The following ZNF469 variants were observed in gnomAD, a reference collection of about 807,000 sequenced individuals.
ZNF469 encodes the protein zinc finger protein 469.
A neutral mutation model predicts 1.0 loss-of-function variants in ZNF469; 1 was observed. The ratio of observed to expected loss-of-function variants is 1.00; its 90% CI spans 0.35 to 4.73. The LOEUF (loss-of-function observed/expected upper bound fraction) is 4.73. Among genes scored for constraint, ZNF469 ranks in the 30% most tolerant of loss-of-function variants. ZNF469 has a pLI of 0.16. For synonymous variants in ZNF469, 2,703 were observed against 2,363.4 expected (o/e 1.14, Z -4.17); for missense variants, 6,100 against 5,356.3 (o/e 1.14, Z -4.33).
the ZNF469 span, among the ~76,000 whole-genome samples, chr16:88,225,436 G>T: frequency 3.3e-5 from 5 of 152,302 alleles, 1 homozygote; most frequent in South Asian, 1.0e-3. Context: ...CTTTCTAATC[G>T]CCAGAAGGGA....
the ZNF469 span, among the ~76,000 whole-genome samples, chr16:88,202,991 C>T: frequency 1.3e-3 from 205 of 152,246 alleles, no homozygotes; most frequent in African/African-American, 4.6e-3. Context: ...CAGCCCCCAC[C>T]GAATCCAGGT....
At chr16:88,409,406 G>A (rs1905086442) in intron 1 of ZNF469, among the ~76,000 whole-genome samples, 1 of 152,232 alleles carries the variant, frequency 6.6e-6, no homozygotes. Context: ...CCAGGACAGA[G>A]GCTGGTCACT....
chr16:88,321,923 C>G, the ZNF469 span, among the ~76,000 whole-genome samples: 10 of 152,366 alleles, frequency 6.6e-5, no homozygotes, highest in South Asian at 6.2e-4. Flanking sequence ...TGGGATGGAA[C>G]CCAGGGCTCA....
At chr16:88,118,990 C>G in the ZNF469 span, among the ~76,000 whole-genome samples, 11 of 152,166 alleles carry the variant, frequency 7.2e-5, no homozygotes, top group Admixed American at 5.9e-4. Flanking sequence ...AAAATAGCCC[C>G]AAGACAATGA....
At chr16:88,164,900 C>T in the ZNF469 span, among the ~76,000 whole-genome samples, 90 of 152,344 alleles carry the variant, frequency 5.9e-4, no homozygotes, top group Non-Finnish European at 5.1e-4. Flanking sequence ...ACAGTCTACA[C>T]TGAGCGTGCT....
chr16:88,258,667 G>C, the ZNF469 span, among the ~76,000 whole-genome samples: 74 of 152,288 alleles, frequency 4.9e-4, no homozygotes, highest in African/African-American at 1.6e-3. Flanking sequence ...GAGCGTTTGG[G>C]TGAGGGTGAC....
At chr16:88,121,897 A>G in the ZNF469 span, among the ~76,000 whole-genome samples, 5,159 of 152,366 alleles carry the variant, frequency 0.034, 147 homozygotes, top group African/African-American at 0.081. Flanking sequence ...TAACGCGTAC[A>G]GAGATGGTGC....
the ZNF469 span, among the ~76,000 whole-genome samples, chr16:88,168,214 T>C: frequency 6.6e-6 from 1 of 152,220 alleles, no homozygotes; most frequent in Admixed American, 6.5e-5. The surrounding 1 kb of genome is among the most constrained non-coding windows in gnomAD (Gnocchi z 4.3). Context: ...TTCAAAAGAC[T>C]GAAGTTTGGT....
the ZNF469 span, among the ~76,000 whole-genome samples, chr16:88,196,281 T>C: frequency 3.3e-5 from 5 of 152,142 alleles, no homozygotes; most frequent in Non-Finnish European, 4.4e-5. Context: ...CTGCAGCCTG[T>C]GCCAAGGAGA....
the ZNF469 span, among the ~76,000 whole-genome samples, chr16:88,272,380 G>A: frequency 2.3e-4 from 33 of 144,542 alleles, no homozygotes; most frequent in African/African-American, 8.5e-4. Flanking sequence ...GGATGGGTGG[G>A]TAGGTGGATG....
the ZNF469 span, among the ~76,000 whole-genome samples, chr16:88,141,116 A>T: frequency 1.3e-5 from 2 of 152,344 alleles, no homozygotes; most frequent in South Asian, 4.2e-4. Flanking sequence ...GGACACAATA[A>T]ATTCTGTGCA....
chr16:88,349,505 ACT>A, the ZNF469 span, among the ~76,000 whole-genome samples: 1 of 144,786 alleles, frequency 6.9e-6, no homozygotes, highest in East Asian at 2.1e-4. Flanking sequence ...GTACACACAC[ACT>A]CTACACAATA....
At chr16:88,398,616 T>C (rs1266451346) in intron 1 of ZNF469, among the ~76,000 whole-genome samples, 2 of 122,682 alleles carry the variant, frequency 1.6e-5, no homozygotes, top group Non-Finnish European at 3.3e-5. Context: ...ATGTGAGCCA[T>C]GGATGAAGGG....
the ZNF469 span, among the ~76,000 whole-genome samples, chr16:88,258,632 C>T: frequency 6.6e-6 from 1 of 151,514 alleles, no homozygotes; most frequent in African/African-American, 2.4e-5. Context: ...GGCACAGACC[C>T]ATGAGTTTAG....
intron 1 of ZNF469, among the ~76,000 whole-genome samples, chr16:88,419,325 A>T (rs933307039): frequency 6.6e-5 from 10 of 152,158 alleles, no homozygotes; most frequent in Admixed American, 2.6e-4. Context: ...GACAGACTGG[A>T]CCGAGCTGGT....
chr16:88,397,109 G>A (rs1343125644), intron 1 of ZNF469, among the ~76,000 whole-genome samples: 1 of 152,192 alleles, frequency 6.6e-6, no homozygotes, highest in Non-Finnish European at 1.5e-5. Context: ...GGGAGGCCAG[G>A]CAAAGACGCT....
chr16:88,387,140 C>T (rs1449064646), intron 1 of ZNF469, among the ~76,000 whole-genome samples: 1 of 152,202 alleles, frequency 6.6e-6, no homozygotes, highest in Non-Finnish European at 1.5e-5. Flanking sequence ...CACCCAGAGA[C>T]CCGCGGCAGC....
the ZNF469 span, among the ~76,000 whole-genome samples, chr16:88,365,648 G>A: frequency 6.6e-6 from 1 of 152,222 alleles, no homozygotes; most frequent in African/African-American, 2.4e-5. Flanking sequence ...TTTGGGCTGG[G>A]TTTTCTGCCA....
chr16:88,162,609 C>G, the ZNF469 span, among the ~76,000 whole-genome samples: 4 of 152,046 alleles, frequency 2.6e-5, no homozygotes, highest in African/African-American at 7.2e-5. Flanking sequence ...TAAATACACA[C>G]AAATGTCAGA....
Sources: allele counts gnomAD v4.1 joint callset (sites outside exome capture counted in the v4.1 genomes callset), GRCh38; gene constraint gnomAD v4.1.1; non-coding constraint Gnocchi (gnomAD v3.1); transcripts MANE v1.5; gene names NCBI Gene and HGNC (gene_info 2026-07-23, HGNC 2026-07-21).